PDE6C: variants seen among roughly 807,000 people sequenced by gnomAD.
PDE6C encodes the protein cone cGMP-specific 3',5'-cyclic phosphodiesterase subunit alpha'.
In PDE6C, 75 loss-of-function variants were observed where a neutral mutation model predicts 113.1. The observed-to-expected ratio is 0.66, with a 90% CI of 0.55 to 0.80. PDE6C has a LOEUF of 0.80. Among genes scored for constraint, PDE6C ranks in the 30% least tolerant of loss-of-function variants. PDE6C has a pLI of 0.00. For missense variants in PDE6C, 912 were observed against 1,038.6 expected, an observed-to-expected ratio of 0.88 and a Z score of 1.67; for synonymous variants, 375 against 363.7, an observed-to-expected ratio of 1.03 and a Z score of -0.35.
At chr10:93,655,977 G>T (rs972444364) in intron 16 of PDE6C, 117 bp downstream of exon 16, 1 of 734,502 alleles carries the variant, frequency 1.4e-6, no homozygotes, top group Non-Finnish European at 2.5e-6. Context: ...CACACACACA[G>T]ACACACACAC....
intron 8 of PDE6C, among the ~76,000 whole-genome samples, chr10:93,632,067 C>T (rs1233310971): frequency 1.3e-5 from 2 of 152,206 alleles, no homozygotes; most frequent in African/African-American, 4.8e-5. Flanking sequence ...CTCCCGCCTT[C>T]CTTGCCTGGT....
At chr10:93,663,726 A>AT (rs368157230) in intron 21 of PDE6C, among the ~76,000 whole-genome samples, 127 of 151,928 alleles carry the variant, frequency 8.4e-4, no homozygotes, top group African/African-American at 2.8e-3. Flanking sequence ...TTCCTGTGCC[A>AT]TTTTTTTTCT....
intron 3 of PDE6C, among the ~76,000 whole-genome samples, chr10:93,621,590 A>G (rs2134594797): frequency 6.6e-6 from 1 of 152,286 alleles, no homozygotes; most frequent in Non-Finnish European, 1.5e-5. Flanking sequence ...CATCAGGGCC[A>G]GCAGGAGCCA....
In PDE6C at chr10:93,646,062, CT is replaced by C; in HGVS notation, c.1935+18del. 7.3e-7 allele frequency: 1 copy of C among 1,371,158 alleles called. No individual in the cohort carries two copies. Among genetic ancestry groups the C allele is most frequent in the Non-Finnish European group, 1.0e-6 (1 of 957,684 alleles). 84.9% of individuals were successfully genotyped at this position (1,371,158 alleles called of 1,614,324 possible). The stretch of plus-strand genomic sequence containing the variant: ...TGCAGGATGAGGTACGTAAACCTCT[CT>C]TTAGGACAGCTAAACACAAATTCTG... On this transcript the variant is annotated intron_variant, in intron 15 of 21. Coordinates refer to ENST00000371447, the MANE Select transcript of PDE6C (RefSeq NM_006204.4).
intron 19 of PDE6C, 54 bp downstream of exon 19, chr10:93,662,187 G>T: frequency 8.5e-7 from 1 of 1,170,022 alleles, no homozygotes; most frequent in South Asian, 1.2e-5. Context: ...AGGACAGGCC[G>T]GGCGCGGTGG....
chr10:93,653,005 T>TC (rs1180703833), intron 15 of PDE6C, among the ~76,000 whole-genome samples: 1 of 152,194 alleles, frequency 6.6e-6, no homozygotes, highest in Non-Finnish European at 1.5e-5. Flanking sequence ...CTGCTTTTTT[T>TC]CCTAGTATAG....
intron 1 of PDE6C, among the ~76,000 whole-genome samples, chr10:93,618,999 G>A (rs2058433287): frequency 6.6e-6 from 1 of 152,204 alleles, no homozygotes; most frequent in East Asian, 1.9e-4. Flanking sequence ...TGGCCAACGA[G>A]TCTCAGAGTT....
At position 93,621,780 on chromosome 10, in the gene PDE6C, G is replaced by T. The variant is rs558981798; in HGVS notation, c.724-152G>T. On this transcript the variant is annotated intron_variant, in intron 3 of 21. Coordinates refer to ENST00000371447, the MANE Select transcript of PDE6C (RefSeq NM_006204.4). ...CTCACCTAGAGGATCTGAGTAGTTT[G>T]TTGGATGTACACATGTTCAAAATCA... The T allele has an allele frequency of 1.2e-4, 85 of 708,398 alleles. No individual in the cohort carries two copies. In the East Asian group the frequency reaches 2.2e-3, roughly 19 times the overall value. 43.9% of individuals were successfully genotyped at this position (708,398 alleles called of 1,614,324 possible). A position where few individuals can be genotyped will look rare whatever the true frequency, so the allele number is the denominator to read the frequency against.
intron 15 of PDE6C, among the ~76,000 whole-genome samples, chr10:93,650,971 G>A (rs1008872354): frequency 1.3e-5 from 2 of 151,834 alleles, no homozygotes; most frequent in African/African-American, 4.8e-5. Context: ...ACTTTTAATT[G>A]AGTCCAGTAC....
At position 93,665,600 on chromosome 10, in the gene PDE6C, G is replaced by A. The variant is rs1165857376; in HGVS notation, c.*182G>A. On this transcript the variant is annotated 3_prime_UTR_variant, in exon 22 of 22. Transcript: ENST00000371447. Reference sequence around the variant, plus strand: ...AGGGGCAAAATAAAGTTCAACAAAAGTGCAAAATATGACAAAAATAGGTAC... The same window carrying A: ...AGGGGCAAAATAAAGTTCAACAAAAATGCAAAATATGACAAAAATAGGTAC... 1.7e-6 allele frequency: 1 copy of A among 584,912 alleles called. No homozygotes were observed. Among genetic ancestry groups the A allele is most frequent in the Non-Finnish European group, 3.0e-6 (1 of 329,494 alleles). 36.2% of individuals were successfully genotyped at this position (584,912 alleles called of 1,614,324 possible). A position where few individuals can be genotyped will look rare whatever the true frequency, so the allele number is the denominator to read the frequency against.
intron 4 of PDE6C, among the ~76,000 whole-genome samples, chr10:93,622,660 TTGTTG>T (rs2058453695): frequency 5.1e-4 from 36 of 70,484 alleles, no homozygotes; most frequent in African/African-American, 1.4e-3. Context: ...GTTTTTTTTT[TTGTTG>T]TTTTTTTTTT....
intron 14 of PDE6C, 90 bp downstream of exon 14, chr10:93,641,119 C>T (rs2058557756): frequency 2.6e-6 from 2 of 768,882 alleles, no homozygotes; most frequent in South Asian, 3.0e-5. Flanking sequence ...ATTCCTTGGC[C>T]CAGTCAATGC....
At chr10:93,624,590 T>C (rs2058463492) in intron 4 of PDE6C, among the ~76,000 whole-genome samples, 1 of 152,212 alleles carries the variant, frequency 6.6e-6, no homozygotes, top group Non-Finnish European at 1.5e-5. Flanking sequence ...TTCAGAGTAA[T>C]TGTTCTAAGT....
chr10:93,655,654 CA>C, intron 15 of PDE6C, 105 bp from the exon 16 acceptor site: 1 of 324,448 alleles, frequency 3.1e-6, no homozygotes. Flanking sequence ...AAAAAACAAA[CA>C]AAAAAGTGTT....
intron 7 of PDE6C, among the ~76,000 whole-genome samples, chr10:93,628,128 A>G (rs1032988895): frequency 6.6e-6 from 1 of 152,192 alleles, no homozygotes; most frequent in Admixed American, 6.5e-5. Flanking sequence ...GATTTCCCCA[A>G]TTCCCAGCCA....
chr10:93,652,006 AGT>A (rs2058611494), intron 15 of PDE6C, among the ~76,000 whole-genome samples: 2 of 151,838 alleles, frequency 1.3e-5, no homozygotes, highest in South Asian at 4.2e-4. Context: ...CTTGTGTGCA[AGT>A]GTGTGTGTGC....
At chr10:93,632,042 C>G (rs1182923589) in intron 8 of PDE6C, among the ~76,000 whole-genome samples, 1 of 152,166 alleles carries the variant, frequency 6.6e-6, no homozygotes, top group Non-Finnish European at 1.5e-5. Flanking sequence ...CTTGCCTTTT[C>G]CAGCTTCTCA....
intron 10 of PDE6C, 44 bp downstream of exon 10, chr10:93,635,684 C>G (rs746675051): frequency 6.3e-7 from 1 of 1,592,750 alleles, no homozygotes; most frequent in Non-Finnish European, 8.6e-7. Flanking sequence ...TGTTACCTAA[C>G]CACATATTCT....
At chr10:93,646,814 G>T (rs1363891356) in intron 15 of PDE6C, among the ~76,000 whole-genome samples, 1 of 152,114 alleles carries the variant, frequency 6.6e-6, no homozygotes, top group African/African-American at 2.4e-5. Context: ...CCAACATTGG[G>T]GATTACAACT....
Sources: gnomAD v4.1 joint callset for allele counts (sites outside exome capture counted in the v4.1 genomes callset) on GRCh38, gnomAD v4.1.1 for gene constraint, MANE v1.5 for transcripts, NCBI Gene and HGNC (gene_info 2026-07-23, HGNC 2026-07-21) for gene names.